RGS14: variants seen among roughly 807,000 people sequenced by gnomAD.
The protein encoded by RGS14 is regulator of G protein signaling 14.
In RGS14, 33 loss-of-function variants were observed where a neutral mutation model predicts 63.8. That is an observed-to-expected ratio of 0.52 (90% CI 0.39 to 0.69). RGS14 has a LOEUF of 0.69. Ranked by LOEUF, RGS14 falls within the 30% of genes least tolerant of loss-of-function variation. The probability of loss-of-function intolerance (pLI) is 0.00; values close to 1 mark genes in which losing one functional copy is unlikely to be tolerated. For synonymous variants in RGS14, 296 were observed against 320.9 expected (o/e 0.92, Z 0.83); for missense variants, 739 against 742.9 (o/e 0.99, Z 0.06).
In RGS14 at chr5:177,365,986, T is replaced by C; in HGVS notation, c.67+2T>C. 1.2e-6 allele frequency: 2 copies of C among 1,613,652 alleles called. No homozygotes were observed. The highest frequency in any genetic ancestry group is 1.1e-5 in the South Asian group (1 of 91,068). On this transcript the variant is annotated splice_donor_variant, in intron 2 of 14. Transcript: ENST00000408923. LOFTEE classifies it high-confidence loss of function. ...AGGTTCTGGCTGTGTCAGATGGAGG[T>C]AAGTGACAGAATGTGTGGAGAACTG...
rs1762251795 is a variant in RGS14, at chr5:177,371,100, G to A, written c.1255-65G>A. 8.2e-7 allele frequency: 1 copy of A among 1,226,440 alleles called. No homozygotes were observed. Among genetic ancestry groups the A allele is most frequent in the Non-Finnish European group, 1.0e-6 (1 of 971,110 alleles). The allele number at this position is 1,226,440 out of a possible 1,614,324, so 76.0% of individuals were successfully genotyped here. A position where few individuals can be genotyped will look rare whatever the true frequency, so the allele number is the denominator to read the frequency against. ...GGGGCCGGGGCCGGGGCCGGGGCCGGGGCCGGGGCCGGGGCCGGGGCCGGG... is the reference window on the plus strand; with the variant it reads ...GGGGCCGGGGCCGGGGCCGGGGCCGAGGCCGGGGCCGGGGCCGGGGCCGGG... On this transcript the variant is annotated intron_variant, in intron 11 of 14. Coordinates refer to ENST00000408923, the MANE Select transcript of RGS14 (RefSeq NM_006480.5). The surrounding 1 kb of genome is among the most constrained non-coding windows in gnomAD (Gnocchi z 6.1).
Position 177,371,013 on chromosome 5 carries a change from A to G in RGS14, c.1236A>G (p.Leu412=), listed in dbSNP as rs776915807. 7.6e-6 allele frequency: 12 copies of G among 1,588,340 alleles called. No homozygotes were observed. Among genetic ancestry groups the G allele is most frequent in the African/African-American group, 1.4e-5 (1 of 70,794 alleles). The change falls in exon 11 of 15, where the codon CTA becomes CTG. Residue 412 remains leucine (L), a synonymous_variant. Transcript: ENST00000408923. This position sits in a 1 kb window ranked among gnomAD's most constrained non-coding sequence, Gnocchi z 6.1. ...TGGAGAAGCACGGCTTGAGCCCGCT[A>G]GAGGTGGTGCTGCACCGGGTGAGCT... is the stretch of plus-strand genomic sequence containing the variant. ...PILEKHGLSP[L]EVVLHRPGEK... is the part of the protein sequence containing the mutation.
At position 177,371,109 on chromosome 5, in the gene RGS14, C is replaced by A; in HGVS notation, c.1255-56C>A. ...GCCGGGGCCGGGGCCGGGGCCGGGGCCGGGGCCGGGGCCGGGCGGAGGCCT... is the reference window on the plus strand; with the variant it reads ...GCCGGGGCCGGGGCCGGGGCCGGGGACGGGGCCGGGGCCGGGCGGAGGCCT... On this transcript the variant is annotated intron_variant, in intron 11 of 14. Transcript: ENST00000408923. The surrounding 1 kb of genome is among the most constrained non-coding windows in gnomAD (Gnocchi z 6.1). 1.6e-6 allele frequency: 2 copies of A among 1,256,296 alleles called. No individual in the cohort carries two copies. Among genetic ancestry groups the A allele is most frequent in the Non-Finnish European group, 2.1e-6 (2 of 959,492 alleles). The allele number at this position is 1,256,296 out of a possible 1,614,324, so 77.8% of individuals were successfully genotyped here.
chr5:177,370,545 G>T (rs1762214347), intron 9 of RGS14, 46 bp from the exon 10 acceptor site: 5 of 1,548,592 alleles, frequency 3.2e-6, no homozygotes, highest in Non-Finnish European at 4.5e-6. Flanking sequence ...GGGATGGCTG[G>T]GGGTTGGGGG....
chr5:177,371,866 C>T lies in RGS14; in HGVS notation c.1499-7C>T. The T allele has an allele frequency of 2.5e-6, 4 of 1,607,002 alleles. No individual in the cohort carries two copies. Among genetic ancestry groups the T allele is most frequent in the Non-Finnish European group, 3.4e-6 (4 of 1,177,166 alleles). Reference sequence around the variant, plus strand: ...GGGGGGACCCTCATGCTGTGGCTTGCCTCCAGGCCTGGTGGAGCTGCTGAA... The same window carrying T: ...GGGGGGACCCTCATGCTGTGGCTTGTCTCCAGGCCTGGTGGAGCTGCTGAA... On this transcript the variant is annotated splice_region_variant and splice_polypyrimidine_tract_variant and intron_variant, in intron 14 of 14. Transcript: ENST00000408923. The surrounding 1 kb of genome is among the most constrained non-coding windows in gnomAD (Gnocchi z 6.1).
chr5:177,367,703 T>C lies in RGS14; in HGVS notation c.628-11T>C. The C allele has an allele frequency of 1.2e-6, 2 of 1,610,856 alleles. No homozygotes were observed. Among genetic ancestry groups the C allele is most frequent in the Non-Finnish European group, 1.7e-6 (2 of 1,178,972 alleles). The stretch of plus-strand genomic sequence containing the variant: ...CCCAGCCCGGTGCCAGCGCCTCCCC[T>C]GTACCCACAGAAGCCGAAGCTGAAG... On this transcript the variant is annotated splice_polypyrimidine_tract_variant and intron_variant, in intron 6 of 14. Coordinates refer to ENST00000408923, the MANE Select transcript of RGS14 (RefSeq NM_006480.5).
rs758447544 is a variant in RGS14 at position 177,371,382 on chromosome 5, C to T, written c.1369C>T (p.Pro457Ser). 6.2e-7 allele frequency: 1 copy of T among 1,613,690 alleles called. No individual in the cohort carries two copies. Among genetic ancestry groups the T allele is most frequent in the Non-Finnish European group, 8.5e-7 (1 of 1,179,880 alleles). Residue 457 changes from proline to serine, a missense_variant, in exon 13 of 15, where the codon CCC (proline) becomes TCC (serine). Physicochemically the swap from Pro to Ser is moderately conservative, Grantham distance 74. Coordinates refer to ENST00000408923, the MANE Select transcript of RGS14 (RefSeq NM_006480.5). The surrounding 1 kb of genome is among the most constrained non-coding windows in gnomAD (Gnocchi z 6.1). ...GATCTCCAAAGCCCGTGACAAATCT[C>T]CCTGCCGCAGCCAGGTGAGCGAAAG... is the stretch of plus-strand genomic sequence containing the variant. The part of the protein sequence containing the change: ...VKISKARDKS[P>S]CRSQGCPPRT...
At chr5:177,369,871 C>G (rs1162877435) in intron 9 of RGS14, among the ~76,000 whole-genome samples, 1 of 152,240 alleles carries the variant, frequency 6.6e-6, no homozygotes, top group African/African-American at 2.4e-5. Context: ...TCCTCACCCA[C>G]ACTCCACCTG....
Position 177,371,009 on chromosome 5 carries a change from C to G in RGS14, c.1232C>G (p.Pro411Arg). ...QPILEKHGLS[P>R]LEVVLHRPGE... ...ATTCTGGAGAAGCACGGCTTGAGCCCGCTAGAGGTGGTGCTGCACCGGGTG... is the reference window on the plus strand; with the variant it reads ...ATTCTGGAGAAGCACGGCTTGAGCCGGCTAGAGGTGGTGCTGCACCGGGTG... The change falls in exon 11 of 15, where the codon CCG (proline) becomes CGG (arginine). Residue 411 changes from proline (P) to arginine (R), a missense_variant. Coordinates refer to ENST00000408923, the MANE Select transcript of RGS14 (RefSeq NM_006480.5). This position sits in a 1 kb window ranked among gnomAD's most constrained non-coding sequence, Gnocchi z 6.1. The G allele has an allele frequency of 4.4e-6, 7 of 1,595,012 alleles. No individual in the cohort carries two copies. The highest frequency in any genetic ancestry group is 5.1e-6 in the Non-Finnish European group (6 of 1,176,434).
At position 177,358,419 on chromosome 5, in the gene RGS14, C is replaced by T. The variant is rs936392030; in HGVS notation, c.45+350C>T. Among the ~76,000 whole-genome samples, 1 of 152,172 alleles carries T rather than the reference C, an allele frequency of 6.6e-6. No individual in the cohort carries two copies. Among genetic ancestry groups the T allele is most frequent in the African/African-American group, 2.4e-5 (1 of 41,444 alleles). On this transcript the variant is annotated intron_variant, in intron 1 of 14. Coordinates refer to ENST00000408923, the MANE Select transcript of RGS14 (RefSeq NM_006480.5). This position sits in a 1 kb window ranked among gnomAD's most constrained non-coding sequence, Gnocchi z 4.8. ...CTGCCCATCCCCACAGTGGCTCAAGCCCCTACATCCCGCTCAGCCTGAGTC... is the reference window on the plus strand; with the variant it reads ...CTGCCCATCCCCACAGTGGCTCAAGTCCCTACATCCCGCTCAGCCTGAGTC...
intron 1 of RGS14, among the ~76,000 whole-genome samples, chr5:177,363,096 C>A (rs1259150566): frequency 2.0e-5 from 3 of 152,000 alleles, no homozygotes; most frequent in Non-Finnish European, 4.4e-5. Context: ...GCGGTGCAGC[C>A]GGGGGAGGAG....
Position 177,371,048 on chromosome 5 carries a change from C to A in RGS14, c.1254+17C>A. ...CTGCACCGGGTGAGCTTCCGGGCCGCGGGGCGGGGCGGGGCGGGGCCGGGC... is the reference window on the plus strand; with the variant it reads ...CTGCACCGGGTGAGCTTCCGGGCCGAGGGGCGGGGCGGGGCGGGGCCGGGC... On this transcript the variant is annotated intron_variant, in intron 11 of 14. Coordinates refer to ENST00000408923, the MANE Select transcript of RGS14 (RefSeq NM_006480.5). The surrounding 1 kb of genome is among the most constrained non-coding windows in gnomAD (Gnocchi z 6.1). 1 of 1,056,476 alleles carries A rather than the reference C, an allele frequency of 9.5e-7. No individual in the cohort carries two copies. The highest frequency in any genetic ancestry group is 1.1e-6 in the Non-Finnish European group (1 of 873,020). The allele number at this position is 1,056,476 out of a possible 1,614,324, so 65.4% of individuals were successfully genotyped here.
rs1762138575 is a variant in RGS14 at position 177,367,805 on chromosome 5, T to C, written c.719T>C (p.Leu240Pro). Residue 240 changes from leucine to proline, a missense_variant, in exon 7 of 15, where the codon CTC (leucine) becomes CCC (proline). Physicochemically the swap from Leu to Pro is moderately conservative, Grantham distance 98. Coordinates refer to ENST00000408923, the MANE Select transcript of RGS14 (RefSeq NM_006480.5). ...GTTGAGGGTCCTGGGGGCCGCCCTC[T>C]CCGCAAGTCCTTCCGCCGGGGTGAG... ...PPVEGPGGRP[L>P]RKSFRRELGG... 3 of 1,598,372 alleles carry C rather than the reference T, an allele frequency of 1.9e-6. No individual in the cohort carries two copies. In the African/African-American group the frequency reaches 4.0e-5, roughly 21 times the overall value.
Position 177,371,825 on chromosome 5 carries a change from T to A in RGS14, c.1499-48T>A. ...GCAGTGGGACTATCGTGGGCTGGCA[T>A]ATAGGCAGGTCTGCTGGGGGGACCC... On this transcript the variant is annotated intron_variant, in intron 14 of 14. Coordinates refer to ENST00000408923, the MANE Select transcript of RGS14 (RefSeq NM_006480.5). The surrounding 1 kb of genome is among the most constrained non-coding windows in gnomAD (Gnocchi z 6.1). The A allele has an allele frequency of 1.3e-6, 2 of 1,566,784 alleles. No homozygotes were observed. The highest frequency in any genetic ancestry group is 2.3e-5 in the South Asian group (2 of 87,588).
chr5:177,363,762 ACCT>A (rs1762028385), intron 1 of RGS14, among the ~76,000 whole-genome samples: 1 of 152,112 alleles, frequency 6.6e-6, no homozygotes. Flanking sequence ...GAGGTTAAGT[ACCT>A]CGTCCAAAGT....
At position 177,371,045 on chromosome 5, in the gene RGS14, C is replaced by A. The variant is rs754656984; in HGVS notation, c.1254+14C>A. 165 of 1,381,906 alleles carry A rather than the reference C, an allele frequency of 1.2e-4. No homozygotes were observed. The highest frequency in any genetic ancestry group is 1.5e-4 in the Non-Finnish European group (157 of 1,073,762). 85.6% of individuals were successfully genotyped at this position (1,381,906 alleles called of 1,614,324 possible). Reference sequence around the variant, plus strand: ...GTGCTGCACCGGGTGAGCTTCCGGGCCGCGGGGCGGGGCGGGGCGGGGCCG... The same window carrying A: ...GTGCTGCACCGGGTGAGCTTCCGGGACGCGGGGCGGGGCGGGGCGGGGCCG... On this transcript the variant is annotated intron_variant, in intron 11 of 14. Transcript: ENST00000408923. The surrounding 1 kb of genome is among the most constrained non-coding windows in gnomAD (Gnocchi z 6.1).
chr5:177,367,946 T>G (rs1762141959), intron 7 of RGS14, 121 bp downstream of exon 7: 1 of 1,437,464 alleles, frequency 7.0e-7, no homozygotes, highest in Non-Finnish European at 9.1e-7. Context: ...GAAACCCAGG[T>G]CCCAGTGACC....
At position 177,366,756 on chromosome 5, in the gene RGS14, G is replaced by C. The variant is rs926650130; in HGVS notation, c.295G>C (p.Ala99Pro). ...FSAENVTFWK[A>P]CERFQQIPAS... ...CGCGGAAAACGTGACTTTCTGGAAGGCCTGCGAGCGCTTCCAGCAGATCCC... is the reference window on the plus strand; with the variant it reads ...CGCGGAAAACGTGACTTTCTGGAAGCCCTGCGAGCGCTTCCAGCAGATCCC... Residue 99 changes from alanine (A) to proline (P), a missense_variant, in exon 4 of 15, where the codon GCC becomes CCC. Coordinates refer to ENST00000408923, the MANE Select transcript of RGS14 (RefSeq NM_006480.5). The C allele has an allele frequency of 1.5e-5, 25 of 1,614,050 alleles. No individual in the cohort carries two copies. The highest frequency in any genetic ancestry group is 1.9e-5 in the Non-Finnish European group (23 of 1,180,030).
Position 177,371,377 on chromosome 5 carries a change from A to G in RGS14, c.1364A>G (p.Lys455Arg), listed in dbSNP as rs369021424. The change falls in exon 13 of 15, where the codon AAA becomes AGA. Residue 455 changes from lysine to arginine, a missense_variant. By Grantham distance (26) the Lys-to-Arg change is conservative (BLOSUM62 2). Transcript: ENST00000408923. The surrounding 1 kb of genome is among the most constrained non-coding windows in gnomAD (Gnocchi z 6.1). ...PGVKISKARD[K>R]SPCRSQGCPP... The stretch of plus-strand genomic sequence containing the variant: ...GTGAAGATCTCCAAAGCCCGTGACA[A>G]ATCTCCCTGCCGCAGCCAGGTGAGC... The G allele has an allele frequency of 2.4e-5, 38 of 1,613,232 alleles. No homozygotes were observed. The African/African-American group carries it at 4.7e-4, about 20-fold the overall frequency.
Sources: allele counts gnomAD v4.1 joint callset (sites outside exome capture counted in the v4.1 genomes callset), GRCh38; gene constraint gnomAD v4.1.1; non-coding constraint Gnocchi (gnomAD v3.1); transcripts MANE v1.5; gene names NCBI Gene and HGNC (gene_info 2026-07-23, HGNC 2026-07-21).